Variants in RRP15 observed in about 807,000 individuals in gnomAD.
RRP15 encodes ribosomal RNA processing 15 homolog, also known as RRP15-like protein.
Under a neutral mutation model 27.1 loss-of-function variants are expected in RRP15, and 18 were observed. The ratio of observed to expected loss-of-function variants is 0.66; its 90% confidence interval spans 0.46 to 0.98. The LOEUF is 0.98. Ranked by LOEUF, RRP15 falls within the 50% of genes least tolerant of loss-of-function variation. The probability of loss-of-function intolerance (pLI) is 0.00; values close to 1 mark genes in which losing one functional copy is unlikely to be tolerated. For missense variants in RRP15, 359 were observed against 337.8 expected, an observed-to-expected ratio of 1.06 and a Z score of -0.49; for synonymous variants, 107 against 109.4, an observed-to-expected ratio of 0.98 and a Z score of 0.14.
intron 4 of RRP15, among the ~76,000 whole-genome samples, chr1:218,313,582 G>A (rs575195357): frequency 6.6e-6 from 1 of 152,304 alleles, no homozygotes; most frequent in African/African-American, 2.4e-5. Context: ...GTAAAGATCA[G>A]GTTAACAGCA....
Position 218,285,553 on chromosome 1 carries a change from G to T in RRP15, c.139+98G>T, listed in dbSNP as rs1655532258. 1.4e-5 allele frequency: 21 copies of T among 1,534,322 alleles called. 1 individual carries two copies. Among genetic ancestry groups the T allele is most frequent in the Middle Eastern group, 4.5e-4 (2 of 4,492 alleles). ...GACTTCATTTGCTGCTAGCCACCTG[G>T]GTTTTATCTTGGCACCACTTCAGAG... is the stretch of plus-strand genomic sequence containing the variant. On this transcript the variant is annotated intron_variant, in intron 1 of 4. Transcript: ENST00000366932.
At chr1:218,292,353 C>G (rs1377052658) in intron 1 of RRP15, among the ~76,000 whole-genome samples, 2 of 152,298 alleles carry the variant, frequency 1.3e-5, no homozygotes, top group South Asian at 2.1e-4. Context: ...TGCTTAGGGA[C>G]ACTGCACAAC....
chr1:218,328,490 ATC>A (rs1486906532), intron 4 of RRP15, among the ~76,000 whole-genome samples: 4 of 151,970 alleles, frequency 2.6e-5, no homozygotes, highest in Non-Finnish European at 5.9e-5. Context: ...GTGAAACCCC[ATC>A]TCTACTAAAA....
At chr1:218,296,850 G>A (rs961629894) in intron 1 of RRP15, among the ~76,000 whole-genome samples, 5 of 151,680 alleles carry the variant, frequency 3.3e-5, no homozygotes, top group African/African-American at 7.3e-5. Context: ...CCTGGCATAC[G>A]AGTTATAAAC....
chr1:218,302,023 G>A (rs1655817855), intron 1 of RRP15: 4 of 379,252 alleles, frequency 1.1e-5, no homozygotes, highest in South Asian at 6.7e-5. Flanking sequence ...CGTGGCAGAG[G>A]CTGTTGGATT....
At chr1:218,302,200 G>A (rs1655819985) in intron 1 of RRP15, 94 bp from the exon 2 acceptor site, 1 of 903,322 alleles carries the variant, frequency 1.1e-6, no homozygotes, top group East Asian at 2.4e-5. Context: ...GCAAAAATGG[G>A]GACAGGCAGA....
intron 3 of RRP15, among the ~76,000 whole-genome samples, 164 bp from the exon 4 acceptor site, chr1:218,307,267 G>A (rs17047601): frequency 0.019 from 2,962 of 152,128 alleles, 106 homozygotes; most frequent in African/African-American, 0.066. Context: ...TTTTTCAGTT[G>A]TATTTATCAA....
intron 1 of RRP15, among the ~76,000 whole-genome samples, chr1:218,297,235 A>G (rs1655734642): frequency 6.6e-6 from 1 of 152,148 alleles, no homozygotes; most frequent in African/African-American, 2.4e-5. Flanking sequence ...CTTAACCCCT[A>G]TGCTATAACT....
At chr1:218,287,121 T>TA (rs1655560253) in intron 1 of RRP15, among the ~76,000 whole-genome samples, 1 of 150,100 alleles carries the variant, frequency 6.7e-6, no homozygotes, top group African/African-American at 2.4e-5. Context: ...CATACCACTG[T>TA]ACCTGGCTAA....
intron 1 of RRP15, 40 bp from the exon 2 acceptor site, chr1:218,302,254 A>T (rs1325111718): frequency 2.0e-6 from 3 of 1,536,738 alleles, no homozygotes; most frequent in Non-Finnish European, 2.7e-6. Context: ...TCTGCCTAGG[A>T]TATTAAAGTT....
At chr1:218,328,646 G>A (rs1571810564) in intron 4 of RRP15, among the ~76,000 whole-genome samples, 1 of 151,938 alleles carries the variant, frequency 6.6e-6, no homozygotes, top group African/African-American at 2.4e-5. Flanking sequence ...CTGGGCGACA[G>A]AGCGAGACTC....
At chr1:218,292,788 G>A (rs902418927) in intron 1 of RRP15, among the ~76,000 whole-genome samples, 4 of 152,152 alleles carry the variant, frequency 2.6e-5, no homozygotes. Context: ...TAGGGTCATA[G>A]CATTCTGAAC....
intron 2 of RRP15, among the ~76,000 whole-genome samples, chr1:218,303,200 C>G (rs901340710): frequency 6.6e-6 from 1 of 152,068 alleles, no homozygotes; most frequent in Non-Finnish European, 1.5e-5. Flanking sequence ...TGATCTCTGT[C>G]TAAAATACTT....
intron 4 of RRP15, among the ~76,000 whole-genome samples, chr1:218,325,253 GTTATT>G (rs1348161370): frequency 1.3e-5 from 2 of 152,182 alleles, no homozygotes; most frequent in Admixed American, 6.5e-5. Context: ...ATGTGTAGTT[GTTATT>G]TTGGAATCTC....
Position 218,332,120 on chromosome 1 carries a change from T to A in RRP15, c.*1029T>A, listed in dbSNP as rs978710708. 6.6e-6 allele frequency: 1 copy of A among 151,724 alleles called. No homozygotes were observed. Among genetic ancestry groups the A allele is most frequent in the African/African-American group, 2.4e-5 (1 of 41,102 alleles). 9.4% of individuals were successfully genotyped at this position (151,724 alleles called of 1,614,324 possible). A position where few individuals can be genotyped will look rare whatever the true frequency, so the allele number is the denominator to read the frequency against. On this transcript the variant is annotated 3_prime_UTR_variant, in exon 5 of 5. Coordinates refer to ENST00000366932, the MANE Select transcript of RRP15 (RefSeq NM_016052.4). The stretch of plus-strand genomic sequence containing the variant: ...TGCTTAACTTATGCAATGAGACAAT[T>A]TCTCAGGAAGCAAGTTTGACATGCT...
At chr1:218,299,255 A>G (rs1466347829) in intron 1 of RRP15, among the ~76,000 whole-genome samples, 2 of 152,156 alleles carry the variant, frequency 1.3e-5, no homozygotes, top group Non-Finnish European at 1.5e-5. Context: ...AACTTCTGAG[A>G]TAGAGCTTCT....
chr1:218,313,315 G>A (rs752766331), intron 4 of RRP15, among the ~76,000 whole-genome samples: 1 of 152,150 alleles, frequency 6.6e-6, no homozygotes. Flanking sequence ...TTGGGTTGGG[G>A]TGAAGGGAAA....
At chr1:218,317,371 A>G (rs1381668684) in intron 4 of RRP15, among the ~76,000 whole-genome samples, 1 of 152,248 alleles carries the variant, frequency 6.6e-6, no homozygotes, top group African/African-American at 2.4e-5. Flanking sequence ...TGGCTGGCTG[A>G]TAAGCCACAG....
intron 1 of RRP15, 91 bp downstream of exon 1, chr1:218,285,546 C>A: frequency 6.4e-7 from 1 of 1,551,022 alleles, no homozygotes; most frequent in Admixed American, 1.9e-5. Flanking sequence ...TTGCTGCTAG[C>A]CACCTGGGTT....
Sources: gnomAD v4.1 joint callset for allele counts (sites outside exome capture counted in the v4.1 genomes callset) on GRCh38, gnomAD v4.1.1 for gene constraint, MANE v1.5 for transcripts, NCBI Gene and HGNC (gene_info 2026-07-23, HGNC 2026-07-21) for gene names.